Variants in RAP2C observed in about 807,000 individuals in gnomAD.
The protein encoded by RAP2C is ras-related protein Rap-2c.
A neutral mutation model predicts 8.9 loss-of-function variants in RAP2C; 3 were observed. The observed-to-expected ratio is 0.34, with a 90% CI of 0.15 to 0.87. The LOEUF is 0.87. RAP2C is among the 40% of genes least tolerant of loss of function. The pLI is 0.51. For missense variants in RAP2C, 76 were observed against 133.7 expected (o/e 0.57, Z 2.13); for synonymous variants, 60 against 52.1 (o/e 1.15, Z -0.65).
chrX:132,215,598 G>A (rs969687515), intron 4 of RAP2C, among the ~76,000 whole-genome samples: 1 of 111,245 alleles, frequency 9.0e-6, no homozygotes, highest in Non-Finnish European at 1.9e-5. Context: ...CTGAAATAAC[G>A]GCACAGTTTT....
chrX:132,206,394 T>C (rs180691445), intron 5 of RAP2C, among the ~76,000 whole-genome samples: 106 of 111,764 alleles, frequency 9.5e-4, no homozygotes, highest in African/African-American at 3.2e-3. Flanking sequence ...CCTGCTCTTA[T>C]AGCGTACAGA....
chrX:132,209,997 C>G (rs1040904669), intron 5 of RAP2C, among the ~76,000 whole-genome samples: 1 of 111,435 alleles, frequency 9.0e-6, no homozygotes, highest in African/African-American at 3.3e-5. Flanking sequence ...CATACCACCC[C>G]CAAAGCATGC....
chrX:132,211,202 C>T (rs1260375124), intron 5 of RAP2C, among the ~76,000 whole-genome samples: 2 of 111,143 alleles, frequency 1.8e-5, no homozygotes, highest in African/African-American at 6.6e-5. Context: ...AGCAAAGATC[C>T]CAGAATGTTA....
intron 5 of RAP2C, among the ~76,000 whole-genome samples, chrX:132,206,863 T>C (rs921920980): frequency 6.2e-5 from 7 of 112,334 alleles, no homozygotes; most frequent in African/African-American, 1.9e-4. Context: ...TTAAAAGACA[T>C]TTTGCATTAA....
rs770411066 is a variant in RAP2C, at chrX:132,217,548, G to C, written c.-280C>G. On this transcript the variant is annotated 5_prime_UTR_variant, in exon 4 of 6. Coordinates refer to ENST00000370874, the MANE Select transcript of RAP2C (RefSeq NM_001271186.2). Reference sequence around the variant, plus strand: ...GGAGGGCGAGCCTGGGAAAAGCCCGGCGAGGGTGGCGAGGAGGCGCGTGCC... The same window carrying C: ...GGAGGGCGAGCCTGGGAAAAGCCCGCCGAGGGTGGCGAGGAGGCGCGTGCC... 97 of 242,855 alleles carry C rather than the reference G, an allele frequency of 4.0e-4. No homozygotes were observed. The East Asian group carries it at 6.1e-3, about 15-fold the overall frequency. The allele number at this position is 242,855 out of a possible 1,213,427, so 20.0% of individuals were successfully genotyped here.
At chrX:132,206,603 C>G (rs1371282518) in intron 5 of RAP2C, among the ~76,000 whole-genome samples, 1 of 112,033 alleles carries the variant, frequency 8.9e-6, no homozygotes, top group Non-Finnish European at 1.9e-5. Context: ...CCAAGGGAAA[C>G]CAGTTTATAA....
At chrX:132,212,691 T>G (rs930300418) in intron 5 of RAP2C, among the ~76,000 whole-genome samples, 15 of 111,987 alleles carry the variant, frequency 1.3e-4, no homozygotes, top group African/African-American at 4.5e-4. Flanking sequence ...CACACAGAAC[T>G]TGTTCAATTG....
intron 1 of RAP2C, among the ~76,000 whole-genome samples, chrX:132,219,094 T>C (rs955639600): frequency 8.0e-5 from 9 of 112,094 alleles, no homozygotes; most frequent in Non-Finnish European, 1.1e-4. Flanking sequence ...TTGTAAACTT[T>C]GTGTCGGATC....
chrX:132,214,598 T>C (rs1330011358), intron 4 of RAP2C, 152 bp from the exon 5 acceptor site: 7 of 1,065,688 alleles, frequency 6.6e-6, no homozygotes, highest in African/African-American at 5.7e-5. Context: ...ATCGTCATCA[T>C]TTTGTCCACT....
intron 5 of RAP2C, among the ~76,000 whole-genome samples, chrX:132,206,431 G>GA (rs1430052917): frequency 9.0e-6 from 1 of 111,388 alleles, no homozygotes. Context: ...TAATACTAGG[G>GA]AAAAAAAATC....
chrX:132,209,371 C>T (rs747015116), intron 5 of RAP2C, among the ~76,000 whole-genome samples: 1 of 112,238 alleles, frequency 8.9e-6, no homozygotes, highest in Non-Finnish European at 1.9e-5. Context: ...GATACAATTC[C>T]AGCTGCTAGC....
At chrX:132,213,039 G>A (rs1023513823) in intron 5 of RAP2C, among the ~76,000 whole-genome samples, 1 of 111,379 alleles carries the variant, frequency 9.0e-6, no homozygotes, top group African/African-American at 3.3e-5. Context: ...TCTTTTCTCC[G>A]GGGAGCATAC....
intron 1 of RAP2C, among the ~76,000 whole-genome samples, 181 bp downstream of exon 1, chrX:132,219,189 G>A (rs1437100756): frequency 9.0e-6 from 1 of 111,691 alleles, no homozygotes; most frequent in African/African-American, 3.3e-5. Flanking sequence ...AGAAACCTGC[G>A]AGACTCAGTG....
chrX:132,206,196 G>A (rs1413434464), intron 5 of RAP2C, among the ~76,000 whole-genome samples: 1 of 106,794 alleles, frequency 9.4e-6, no homozygotes, highest in Non-Finnish European at 1.9e-5. Context: ...AGAGAAGAAA[G>A]AGGGAGGGAG....
rs754095049 is a variant in RAP2C, at chrX:132,214,139, C to T, written c.*29G>A. The stretch of plus-strand genomic sequence containing the variant: ...CAGTTCCATCAAAAACTAACCTGCT[C>T]GGTATGGCCATGATTGAGGTTATCT... On this transcript the variant is annotated 3_prime_UTR_variant, in exon 5 of 6. Coordinates refer to ENST00000370874, the MANE Select transcript of RAP2C (RefSeq NM_001271186.2). 75 of 1,183,870 alleles carry T rather than the reference C, an allele frequency of 6.3e-5. No homozygotes were observed. The highest frequency in any genetic ancestry group is 8.2e-5 in the Non-Finnish European group (72 of 879,439).
In RAP2C at chrX:132,216,979, A is replaced by G. The variant is rs1930622652; in HGVS notation, c.273+17T>C. 1 of 1,109,335 alleles carries G rather than the reference A, an allele frequency of 9.0e-7. No homozygotes were observed. The highest frequency in any genetic ancestry group is 1.2e-6 in the Non-Finnish European group (1 of 844,814). The allele number at this position is 1,109,335 out of a possible 1,213,427, so 91.4% of individuals were successfully genotyped here. A position where few individuals can be genotyped will look rare whatever the true frequency, so the allele number is the denominator to read the frequency against. On this transcript the variant is annotated intron_variant, in intron 4 of 5. Transcript: ENST00000370874. ...CCACACCCCCTTCTAACAAATTACA[A>G]GACTTGGTTTGGTTACCTGAAAAGA...
Position 132,217,420 on chromosome X carries a change from G to T in RAP2C, c.-152C>A. ...GGGCCCAACCGGGGAAGAAGAGGAA[G>T]TTACAGGAGGGGGAGGGGAAAGAGC... On this transcript the variant is annotated 5_prime_UTR_variant, in exon 4 of 6. Coordinates refer to ENST00000370874, the MANE Select transcript of RAP2C (RefSeq NM_001271186.2). The T allele has an allele frequency of 4.8e-6, 1 of 206,512 alleles. No homozygotes were observed. The highest frequency in any genetic ancestry group is 8.5e-6 in the Non-Finnish European group (1 of 117,982). The allele number at this position is 206,512 out of a possible 1,213,427, so 17.0% of individuals were successfully genotyped here. A position where few individuals can be genotyped will look rare whatever the true frequency, so the allele number is the denominator to read the frequency against.
chrX:132,213,988 T>A, intron 5 of RAP2C, 146 bp downstream of exon 5: 1 of 464,580 alleles, frequency 2.2e-6, no homozygotes. Context: ...CATTGAATGT[T>A]GACTATTTTG....
At chrX:132,218,203 G>C (rs1423411577) in intron 2 of RAP2C, 29 bp downstream of exon 2, 5 of 104,347 alleles carry the variant, frequency 4.8e-5, no homozygotes, top group Non-Finnish European at 9.9e-5. Flanking sequence ...GAGACTGGAC[G>C]GGATCACTTC....
Sources: gnomAD v4.1 joint callset for allele counts (sites outside exome capture counted in the v4.1 genomes callset) on GRCh38, gnomAD v4.1.1 for gene constraint, MANE v1.5 for transcripts, NCBI Gene and HGNC (gene_info 2026-07-23, HGNC 2026-07-21) for gene names.